Variants in FERRY3 observed in about 807,000 individuals in gnomAD.
The protein encoded by FERRY3 is FERRY endosomal RAB5 effector complex subunit 3.
At chr12:4,502,423 T>C in the FERRY3 span, 1 of 454,352 alleles carries the variant, frequency 2.2e-6, no homozygotes, top group African/African-American at 2.0e-5. The surrounding 1 kb of genome is among the most constrained non-coding windows in gnomAD (Gnocchi z 4.2). Flanking sequence ...CCATCACTCT[T>C]TTTTCTGTGT....
the FERRY3 span, among the ~76,000 whole-genome samples, chr12:4,519,069 T>A: frequency 4.6e-5 from 7 of 152,236 alleles, no homozygotes; most frequent in Non-Finnish European, 1.0e-4. The surrounding 1 kb of genome is among the most constrained non-coding windows in gnomAD (Gnocchi z 4.3). Flanking sequence ...ACTTGTTCTT[T>A]CATTTCCTCA....
chr12:4,524,675 CATAACAG>C, the FERRY3 span, among the ~76,000 whole-genome samples: 1 of 152,144 alleles, frequency 6.6e-6, no homozygotes, highest in African/African-American at 2.4e-5. Flanking sequence ...AATTCTCAAA[CATAACAG>C]ATACATAGCC....
the FERRY3 span, among the ~76,000 whole-genome samples, chr12:4,523,185 T>G: frequency 6.6e-6 from 1 of 152,222 alleles, no homozygotes; most frequent in Non-Finnish European, 1.5e-5. Flanking sequence ...CCATATATAG[T>G]TGTGTTGAAA....
At chr12:4,517,225 C>A in the FERRY3 span, 3 of 1,482,218 alleles carry the variant, frequency 2.0e-6, no homozygotes, top group South Asian at 3.0e-5. Flanking sequence ...CTTCTAAATG[C>A]GAACTATCAA....
chr12:4,490,624 G>A, the FERRY3 span: 13 of 1,546,354 alleles, frequency 8.4e-6, no homozygotes, highest in African/African-American at 1.1e-4. Context: ...TGCATGACAA[G>A]TTCTGGCCTT....
chr12:4,516,566 T>C, the FERRY3 span, among the ~76,000 whole-genome samples: 1 of 152,176 alleles, frequency 6.6e-6, no homozygotes, highest in Non-Finnish European at 1.5e-5. Context: ...TGCAGGGACA[T>C]GGATGGAGCT....
chr12:4,487,907 GA>G, the FERRY3 span: 1 of 151,950 alleles, frequency 6.6e-6, no homozygotes, highest in Admixed American at 6.6e-5. Flanking sequence ...AGAACACTCA[GA>G]AAAAGATCCT....
the FERRY3 span, among the ~76,000 whole-genome samples, chr12:4,490,094 CT>C: frequency 6.6e-6 from 1 of 152,096 alleles, no homozygotes; most frequent in Admixed American, 6.6e-5. Flanking sequence ...CTTCTGAGAA[CT>C]TATGTCATTT....
At chr12:4,510,581 G>A in the FERRY3 span, among the ~76,000 whole-genome samples, 2 of 150,338 alleles carry the variant, frequency 1.3e-5, no homozygotes, top group Non-Finnish European at 3.0e-5. Flanking sequence ...AGAGAGTGGG[G>A]GCCAATATTC....
chr12:4,536,675 T>A, the FERRY3 span, among the ~76,000 whole-genome samples: 1 of 151,110 alleles, frequency 6.6e-6, no homozygotes, highest in African/African-American at 2.4e-5. Context: ...GGAAGGGGAG[T>A]AAGAAAGTGT....
the FERRY3 span, among the ~76,000 whole-genome samples, chr12:4,531,885 C>A: frequency 2.6e-5 from 4 of 152,288 alleles, no homozygotes; most frequent in African/African-American, 9.6e-5. Flanking sequence ...GCACTGCCTT[C>A]TTACTTTCCC....
the FERRY3 span, among the ~76,000 whole-genome samples, chr12:4,502,915 C>T: frequency 1.1e-4 from 16 of 152,150 alleles, no homozygotes; most frequent in African/African-American, 3.1e-4. The surrounding 1 kb of genome is among the most constrained non-coding windows in gnomAD (Gnocchi z 4.2). Context: ...AAAGAAAATT[C>T]GTGAGGAATA....
At chr12:4,490,695 A>T in the FERRY3 span, 1 of 837,170 alleles carries the variant, frequency 1.2e-6, no homozygotes, top group Non-Finnish European at 1.9e-6. Context: ...TCATGTCTTG[A>T]CTTTTTAGGT....
At chr12:4,530,176 G>A in the FERRY3 span, 5 of 775,494 alleles carry the variant, frequency 6.4e-6, no homozygotes, top group Non-Finnish European at 1.0e-5. Flanking sequence ...ATATATATAT[G>A]TGTGTGTAAA....
At chr12:4,538,060 AAG>A in the FERRY3 span, among the ~76,000 whole-genome samples, 4 of 152,186 alleles carry the variant, frequency 2.6e-5, no homozygotes, top group Non-Finnish European at 4.4e-5. Context: ...TGAAAAAAAA[AAG>A]AGAAGGCAGA....
chr12:4,525,646 A>T, the FERRY3 span: 1 of 1,169,210 alleles, frequency 8.6e-7, no homozygotes, highest in South Asian at 1.4e-5. Context: ...GATCCTTCAG[A>T]TTCATCAAAC....
chr12:4,516,217 C>A, the FERRY3 span, among the ~76,000 whole-genome samples: 1 of 152,090 alleles, frequency 6.6e-6, no homozygotes, highest in Non-Finnish European at 1.5e-5. Flanking sequence ...GAACTTGGAT[C>A]AAAAGATCAC....
chr12:4,532,621 T>A, the FERRY3 span, among the ~76,000 whole-genome samples: 6 of 152,320 alleles, frequency 3.9e-5, no homozygotes, highest in East Asian at 9.6e-4. Context: ...AGTCTCTGAC[T>A]ACAACCTCCA....
At chr12:4,526,516 C>T in the FERRY3 span, among the ~76,000 whole-genome samples, 2 of 152,132 alleles carry the variant, frequency 1.3e-5, no homozygotes, top group Non-Finnish European at 2.9e-5. Flanking sequence ...AGGATTTTAT[C>T]ATCCTAGTTA....
Sources: gnomAD v4.1 joint callset for allele counts (sites outside exome capture counted in the v4.1 genomes callset) on GRCh38, gnomAD v4.1.1 for gene constraint, Gnocchi (gnomAD v3.1) non-coding constraint, MANE v1.5 for transcripts, NCBI Gene and HGNC (gene_info 2026-07-23, HGNC 2026-07-21) for gene names.